The following MGA variants were observed in gnomAD, a reference collection of about 807,000 sequenced individuals.
MGA encodes MAX dimerization protein MGA.
In MGA, 40 loss-of-function variants were observed where a neutral mutation model predicts 261.1. The observed-to-expected ratio is 0.15, with a 90% confidence interval of 0.12 to 0.20. The LOEUF (loss-of-function observed/expected upper bound fraction) is 0.20, where lower values mean the gene tolerates loss of function less well. MGA is among the 10% of genes least tolerant of loss of function. The probability of loss-of-function intolerance (pLI) is 1.00; values close to 1 mark genes in which losing one functional copy is unlikely to be tolerated. For missense variants in MGA, 3,397 were observed against 3,630.5 expected (o/e 0.94, Z 1.65); for synonymous variants, 1,302 against 1,290.6 (o/e 1.01, Z -0.19).
intron 9 of MGA, among the ~76,000 whole-genome samples, chr15:41,713,835 G>T (rs2060498869): frequency 6.6e-6 from 1 of 152,124 alleles, no homozygotes; most frequent in Non-Finnish European, 1.5e-5. Flanking sequence ...TACGTTCCTT[G>T]GAAAGACTAT....
chr15:41,762,007 T>C, intron 21 of MGA, 122 bp from the exon 22 acceptor site: 2 of 1,032,966 alleles, frequency 1.9e-6, no homozygotes, highest in South Asian at 3.4e-5. Flanking sequence ...TCTTGTGAAT[T>C]GTAATCACCT....
In MGA at chr15:41,767,094, T is replaced by C; in HGVS notation, c.9012T>C (p.Asp3004=). The C allele has an allele frequency of 6.2e-7, 1 of 1,614,022 alleles. No individual in the cohort carries two copies. The highest frequency in any genetic ancestry group is 8.5e-7 in the Non-Finnish European group (1 of 1,179,884). Residue 3004 remains aspartate (D), a synonymous_variant, in exon 24 of 24, where the codon GAT becomes GAC. Coordinates refer to ENST00000219905, the MANE Select transcript of MGA (RefSeq NM_001164273.2). The stretch of plus-strand genomic sequence containing the variant: ...TAGCTAATCCTTCCAGTGATGCAGA[T>C]GGTCAGAGTCTCAAGGTGATGCCTT...
intron 15 of MGA, among the ~76,000 whole-genome samples, chr15:41,743,374 G>A (rs889591293): frequency 6.6e-6 from 1 of 152,166 alleles, no homozygotes; most frequent in South Asian, 2.1e-4. Flanking sequence ...ACGGGATTGC[G>A]ATAAATCACT....
chr15:41,710,981 A>G lies in MGA; in HGVS notation c.2716A>G (p.Thr906Ala). The change falls in exon 8 of 24, where the codon ACT becomes GCT. Residue 906 changes from threonine to alanine, a missense_variant. This residue lies in a region of MGA where 519 missense variants were observed against 554.1 expected (regional missense o/e 0.94). Transcript: ENST00000219905. ...GGCAAAGTCTCAAAACAGACAGGCA[A>G]CTTTCAGTGGCCGAACTAAATCATC... 1.2e-6 allele frequency: 2 copies of G among 1,613,982 alleles called. No homozygotes were observed. Among genetic ancestry groups the G allele is most frequent in the Non-Finnish European group, 1.7e-6 (2 of 1,179,882 alleles).
intron 8 of MGA, among the ~76,000 whole-genome samples, chr15:41,712,516 C>T (rs1006147412): frequency 1.3e-5 from 2 of 152,182 alleles, no homozygotes; most frequent in Non-Finnish European, 2.9e-5. Flanking sequence ...CTGCGCCTGG[C>T]CTTCATCATT....
Position 41,711,221 on chromosome 15 carries a change from C to G in MGA, c.2956C>G (p.Pro986Ala). The change falls in exon 8 of 24, where the codon CCA becomes GCA. Residue 986 changes from proline to alanine, a missense_variant. By Grantham distance (27) the Pro-to-Ala change is conservative (BLOSUM62 -1). Coordinates refer to ENST00000219905, the MANE Select transcript of MGA (RefSeq NM_001164273.2). Reference sequence around the variant, plus strand: ...GCAACAGCAACAGGGAAGTCGCCCTCCAGGCTTGTCTAAATCTCAGGTGAA... The same window carrying G: ...GCAACAGCAACAGGGAAGTCGCCCTGCAGGCTTGTCTAAATCTCAGGTGAA... 6.2e-7 allele frequency: 1 copy of G among 1,614,004 alleles called. No individual in the cohort carries two copies. Among genetic ancestry groups the G allele is most frequent in the Non-Finnish European group, 8.5e-7 (1 of 1,179,892 alleles).
intron 1 of MGA, among the ~76,000 whole-genome samples, chr15:41,652,640 GGGACTTATACCCTTTGTA>G (rs1246317956): frequency 2.0e-5 from 3 of 151,120 alleles, no homozygotes; most frequent in Non-Finnish European, 4.4e-5. Context: ...CCAAAGTGCT[GGGACTTATACCCTTTGTA>G]GGTTTTGTAT....
rs2063723585 is a variant in MGA at position 41,764,953 on chromosome 15, G to A, written c.7812G>A (p.Leu2604=). 3.1e-6 allele frequency: 5 copies of A among 1,613,908 alleles called. No individual in the cohort carries two copies. Among genetic ancestry groups the A allele is most frequent in the Non-Finnish European group, 3.4e-6 (4 of 1,179,906 alleles). Residue 2604 remains leucine (L), a synonymous_variant, in exon 23 of 24, where the codon TTG becomes TTA. Coordinates refer to ENST00000219905, the MANE Select transcript of MGA (RefSeq NM_001164273.2). ...TTGTGATGACTCCGCAAGGGCAATTGCTCACCCTAAAAGGTCCCCTATTCT... is the reference window on the plus strand; with the variant it reads ...TTGTGATGACTCCGCAAGGGCAATTACTCACCCTAAAAGGTCCCCTATTCT...
intron 5 of MGA, among the ~76,000 whole-genome samples, chr15:41,706,996 G>A (rs1259534927): frequency 6.6e-6 from 1 of 152,070 alleles, no homozygotes; most frequent in African/African-American, 2.4e-5. Context: ...TTTTAGGCTT[G>A]ATTAACCATA....
chr15:41,689,267 C>T (rs1375852211), intron 2 of MGA, among the ~76,000 whole-genome samples: 1 of 151,652 alleles, frequency 6.6e-6, no homozygotes, highest in Non-Finnish European at 1.5e-5. Flanking sequence ...CTCTCTGTGG[C>T]TCGCTCTCAT....
chr15:41,695,187 C>CT (rs533478922), intron 2 of MGA, among the ~76,000 whole-genome samples: 5,173 of 142,898 alleles, frequency 0.036, 131 homozygotes, highest in South Asian at 0.072. Flanking sequence ...TATGTGGAAT[C>CT]TTTTTTTTTT....
At chr15:41,759,489 G>A (rs75461558) in intron 19 of MGA, among the ~76,000 whole-genome samples, 1,968 of 116,352 alleles carry the variant, frequency 0.017, 22 homozygotes, top group Non-Finnish European at 0.023. Context: ...TTTTTGTAAA[G>A]ATGAAGTCTT....
rs758867463 is a variant in MGA at position 41,764,872 on chromosome 15, G to C, written c.7745-14G>C. On this transcript the variant is annotated splice_polypyrimidine_tract_variant and intron_variant, in intron 22 of 23. Transcript: ENST00000219905. ...TGCCTTTTATCTATAACTAATTTCT[G>C]ATCTTTCTTACAGAAAATACCTCAC... 2.5e-6 allele frequency: 4 copies of C among 1,613,022 alleles called. No individual in the cohort carries two copies. The highest frequency in any genetic ancestry group is 1.7e-6 in the Non-Finnish European group (2 of 1,179,162).
Position 41,740,175 on chromosome 15 carries a change from G to T in MGA, c.4557G>T (p.Lys1519Asn). Residue 1519 changes from lysine to asparagine, a missense_variant, in exon 14 of 24, where the codon AAG becomes AAT. Physicochemically the swap from Lys to Asn is moderately conservative, Grantham distance 94 (BLOSUM62 0). Around this residue, in one of 9 missense-constraint regions of MGA, gnomAD observed 1,410 missense variants for 1,386.4 expected, o/e 1.02. Transcript: ENST00000219905. ...CAAATCGCCCTGGGAAGAATCTGAAGGCGTTTGTCCCAGCAAAACGGCCAA... is the reference window on the plus strand; with the variant it reads ...CAAATCGCCCTGGGAAGAATCTGAATGCGTTTGTCCCAGCAAAACGGCCAA... The T allele has an allele frequency of 6.2e-7, 1 of 1,613,994 alleles. No homozygotes were observed. The highest frequency in any genetic ancestry group is 8.5e-7 in the Non-Finnish European group (1 of 1,179,872).
chr15:41,645,623 A>G (rs1450289991), intron 1 of MGA, among the ~76,000 whole-genome samples: 1 of 152,204 alleles, frequency 6.6e-6, no homozygotes, highest in African/African-American at 2.4e-5. Context: ...TTAAAACATT[A>G]GTTGAAGATT....
At chr15:41,674,553 T>A (rs1454085616) in intron 2 of MGA, among the ~76,000 whole-genome samples, 1 of 152,088 alleles carries the variant, frequency 6.6e-6, no homozygotes, top group Non-Finnish European at 1.5e-5. Flanking sequence ...AGAGTCTTGC[T>A]GTGTCACCCA....
intron 2 of MGA, among the ~76,000 whole-genome samples, chr15:41,689,473 A>G (rs1304775049): frequency 6.6e-6 from 1 of 151,778 alleles, no homozygotes; most frequent in African/African-American, 2.4e-5. Context: ...CATTTAAATA[A>G]TATAAGAAAA....
chr15:41,631,901 T>G (rs1180381673), intron 1 of MGA, among the ~76,000 whole-genome samples: 1 of 152,178 alleles, frequency 6.6e-6, no homozygotes, highest in Non-Finnish European at 1.5e-5. Context: ...TTTTTTTAAA[T>G]GGCAAGTGTT....
chr15:41,721,066 A>T (rs891800142), intron 9 of MGA, among the ~76,000 whole-genome samples: 1 of 152,246 alleles, frequency 6.6e-6, no homozygotes, highest in African/African-American at 2.4e-5. Context: ...CATTTAGAAG[A>T]TACAGGCAAA....
Sources: gnomAD v4.1 joint callset for allele counts (sites outside exome capture counted in the v4.1 genomes callset) on GRCh38, gnomAD v4.1.1 for gene constraint, gnomAD v4.1.1 regional missense constraint, MANE v1.5 for transcripts, NCBI Gene and HGNC (gene_info 2026-07-23, HGNC 2026-07-21) for gene names.